Variants in ASZ1 observed in about 807,000 individuals in gnomAD.
ASZ1 encodes ankyrin repeat, SAM and basic leucine zipper domain containing 1, also known as ankyrin repeat, SAM and basic leucine zipper domain-containing protein 1.
Under a neutral mutation model 61.8 loss-of-function variants are expected in ASZ1, and 67 were observed. That is an observed-to-expected ratio of 1.08 (90% CI 0.89 to 1.33). The LOEUF (loss-of-function observed/expected upper bound fraction) is 1.33, where lower values mean the gene tolerates loss of function less well. Ranked by LOEUF, ASZ1 falls within the 40% of genes most tolerant of loss-of-function variation. ASZ1 has a pLI of 0.00. For synonymous variants in ASZ1, 193 were observed against 192.7 expected, an observed-to-expected ratio of 1.00 and a Z score of -0.01; for missense variants, 577 against 554.5, an observed-to-expected ratio of 1.04 and a Z score of -0.41.
chr7:117,390,583 T>C (rs1186469975), intron 4 of ASZ1, among the ~76,000 whole-genome samples: 1 of 152,216 alleles, frequency 6.6e-6, no homozygotes, highest in Non-Finnish European at 1.5e-5. Context: ...AAATGGTAAT[T>C]CTAGTTTTAG....
At chr7:117,367,223 A>C in intron 12 of ASZ1, 129 bp downstream of exon 12, 1 of 654,708 alleles carries the variant, frequency 1.5e-6, no homozygotes, top group Non-Finnish European at 2.2e-6. Flanking sequence ...TCCTTTGGAA[A>C]CTGTCCTTTT....
chr7:117,381,303 ACCATT>A, intron 8 of ASZ1, among the ~76,000 whole-genome samples: 1 of 152,132 alleles, frequency 6.6e-6, no homozygotes, highest in Non-Finnish European at 1.5e-5. Flanking sequence ...TCAAATGATT[ACCATT>A]CATATTTGCT....
chr7:117,385,016 A>G (rs1796325560), intron 5 of ASZ1, among the ~76,000 whole-genome samples, 156 bp from the exon 6 acceptor site: 1 of 152,204 alleles, frequency 6.6e-6, no homozygotes, highest in Non-Finnish European at 1.5e-5. Flanking sequence ...TAATGTAAAC[A>G]TATTTCCAAA....
In ASZ1 at chr7:117,382,039, T is replaced by G; in HGVS notation, c.888+30A>C. The G allele has an allele frequency of 3.7e-6, 5 of 1,342,832 alleles. 1 individual carries two copies. Among genetic ancestry groups the G allele is most frequent in the Non-Finnish European group, 5.3e-6 (5 of 936,776 alleles). The allele number at this position is 1,342,832 out of a possible 1,614,324, so 83.2% of individuals were successfully genotyped here. A position where few individuals can be genotyped will look rare whatever the true frequency, so the allele number is the denominator to read the frequency against. ...TAACCAACAAATTAACATATATGCA[T>G]AACTCACTGTAGGTTATATAAGATC... On this transcript the variant is annotated intron_variant, in intron 8 of 12. Transcript: ENST00000284629.
chr7:117,380,546 T>A (rs909447175), intron 9 of ASZ1, among the ~76,000 whole-genome samples: 1 of 151,718 alleles, frequency 6.6e-6, no homozygotes, highest in African/African-American at 2.4e-5. Flanking sequence ...AGATCATTGC[T>A]TTTTACATAT....
At chr7:117,391,792 A>T (rs569958044) in intron 4 of ASZ1, among the ~76,000 whole-genome samples, 4 of 149,912 alleles carry the variant, frequency 2.7e-5, no homozygotes. Context: ...TTGGTTTCAT[A>T]TTTTTTTTTC....
intron 4 of ASZ1, among the ~76,000 whole-genome samples, chr7:117,416,609 T>C (rs1409085395): frequency 6.6e-6 from 1 of 152,210 alleles, no homozygotes; most frequent in African/African-American, 2.4e-5. Context: ...TGGTTGCTTC[T>C]GGTGGAGAGG....
intron 4 of ASZ1, among the ~76,000 whole-genome samples, chr7:117,412,652 G>C (rs558382310): frequency 6.6e-6 from 1 of 151,724 alleles, no homozygotes; most frequent in South Asian, 2.1e-4. Context: ...CTTATCAATG[G>C]TAATAAAAGC....
chr7:117,407,525 T>G (rs1430784480), intron 4 of ASZ1, among the ~76,000 whole-genome samples: 1 of 152,184 alleles, frequency 6.6e-6, no homozygotes, highest in Non-Finnish European at 1.5e-5. Flanking sequence ...AATACTATGT[T>G]TTTTCCTATA....
At chr7:117,380,250 A>G (rs529920142) in intron 9 of ASZ1, among the ~76,000 whole-genome samples, 1 of 151,888 alleles carries the variant, frequency 6.6e-6, no homozygotes, top group East Asian at 2.0e-4. Flanking sequence ...GAGATATATA[A>G]TAACTATAGT....
chr7:117,367,900 G>A (rs1012403212), intron 11 of ASZ1: 19 of 971,272 alleles, frequency 2.0e-5, no homozygotes, highest in Non-Finnish European at 2.3e-5. Context: ...TCTTTTTTTT[G>A]AGAAAGTGTC....
At chr7:117,377,450 C>A (rs966034855) in intron 10 of ASZ1, among the ~76,000 whole-genome samples, 54 of 152,052 alleles carry the variant, frequency 3.6e-4, no homozygotes, top group African/African-American at 1.3e-3. Context: ...ATCACCTGAG[C>A]CCAGGAATTC....
intron 4 of ASZ1, among the ~76,000 whole-genome samples, chr7:117,415,666 G>T (rs1033529982): frequency 8.6e-5 from 13 of 151,856 alleles, no homozygotes; most frequent in African/African-American, 3.1e-4. Flanking sequence ...TCTACTAGGG[G>T]GTCTTGGAAT....
intron 4 of ASZ1, among the ~76,000 whole-genome samples, chr7:117,388,685 A>G (rs1349962106): frequency 6.6e-6 from 1 of 152,176 alleles, no homozygotes; most frequent in African/African-American, 2.4e-5. Flanking sequence ...AGTTAACATC[A>G]TATTTAATGG....
At chr7:117,413,387 A>C (rs954075163) in intron 4 of ASZ1, among the ~76,000 whole-genome samples, 15 of 152,074 alleles carry the variant, frequency 9.9e-5, no homozygotes, top group African/African-American at 3.4e-4. Context: ...AATGTATTAC[A>C]CAGACAAGCA....
Position 117,420,275 on chromosome 7 carries a change from C to G in ASZ1, c.329-1G>C, listed in dbSNP as rs780139424. The G allele has an allele frequency of 1.2e-6, 2 of 1,608,378 alleles. No homozygotes were observed. The highest frequency in any genetic ancestry group is 1.1e-5 in the South Asian group (1 of 90,530). On this transcript the variant is annotated splice_acceptor_variant, in intron 3 of 12. Transcript: ENST00000284629. LOFTEE classifies it high-confidence loss of function. ...GCAGTTATCAAAATACTTTGCTTAT[C>G]TATAGTGAATAGAAAAGTGAGGAAA... is the stretch of plus-strand genomic sequence containing the variant.
chr7:117,371,367 C>T (rs2116450429), intron 10 of ASZ1, among the ~76,000 whole-genome samples: 1 of 152,210 alleles, frequency 6.6e-6, no homozygotes, highest in African/African-American at 2.4e-5. Flanking sequence ...TTCACTTTAA[C>T]AGTTTTATAA....
chr7:117,364,373 C>T (rs1795892390), intron 12 of ASZ1, among the ~76,000 whole-genome samples: 1 of 151,590 alleles, frequency 6.6e-6, no homozygotes, highest in Non-Finnish European at 1.5e-5. Context: ...TGTGTGCCCA[C>T]TCTGTGTGTA....
chr7:117,402,550 A>C (rs1415093324), intron 4 of ASZ1, among the ~76,000 whole-genome samples: 1 of 152,098 alleles, frequency 6.6e-6, no homozygotes, highest in African/African-American at 2.4e-5. Context: ...TCCCTGTACT[A>C]GAGTTTCCAG....
Sources: allele counts gnomAD v4.1 joint callset (sites outside exome capture counted in the v4.1 genomes callset), GRCh38; gene constraint gnomAD v4.1.1; transcripts MANE v1.5; gene names NCBI Gene and HGNC (gene_info 2026-07-23, HGNC 2026-07-21).